FMNL2: variants seen among roughly 807,000 people sequenced by gnomAD.
FMNL2 encodes formin like 2.
A neutral mutation model predicts 130.2 loss-of-function variants in FMNL2; 51 were observed. The ratio of observed to expected loss-of-function variants is 0.39; its 90% confidence interval spans 0.31 to 0.49. The LOEUF (loss-of-function observed/expected upper bound fraction) is 0.49. Ranked by LOEUF, FMNL2 falls within the 20% of genes least tolerant of loss-of-function variation. FMNL2 has a pLI of 0.85. For synonymous variants in FMNL2, 465 were observed against 467.1 expected (o/e 1.00, Z 0.06); for missense variants, 977 against 1,316.2 (o/e 0.74, Z 3.99).
At chr2:152,567,647 C>T (rs960688965) in intron 6 of FMNL2, among the ~76,000 whole-genome samples, 2 of 152,080 alleles carry the variant, frequency 1.3e-5, no homozygotes, top group African/African-American at 4.8e-5. Flanking sequence ...AACCTAAAAC[C>T]CCAAATCTTG....
At chr2:152,578,801 G>A (rs998921124) in intron 7 of FMNL2, 87 bp from the exon 8 acceptor site, 8 of 1,010,142 alleles carry the variant, frequency 7.9e-6, no homozygotes, top group Middle Eastern at 2.4e-4. Context: ...TAGATACTTC[G>A]GGTTTTTGGT....
intron 1 of FMNL2, among the ~76,000 whole-genome samples, chr2:152,490,252 A>G (rs1294048509): frequency 1.3e-5 from 2 of 151,736 alleles, no homozygotes; most frequent in Non-Finnish European, 2.9e-5. Flanking sequence ...ATGAGTTTAC[A>G]ATAAATAAGG....
intron 8 of FMNL2, among the ~76,000 whole-genome samples, chr2:152,579,331 A>G (rs1696646583): frequency 6.6e-6 from 1 of 150,600 alleles, no homozygotes. Context: ...GCTAGCTAAA[A>G]CCACCATCCT....
At chr2:152,562,138 T>C (rs1558965791) in intron 6 of FMNL2, among the ~76,000 whole-genome samples, 2 of 152,222 alleles carry the variant, frequency 1.3e-5, no homozygotes, top group South Asian at 4.1e-4. Flanking sequence ...GACAGAGATA[T>C]CATCTAGAAC....
intron 3 of FMNL2, among the ~76,000 whole-genome samples, chr2:152,544,129 C>T (rs1485950970): frequency 6.6e-6 from 1 of 152,206 alleles, no homozygotes; most frequent in South Asian, 2.1e-4. Context: ...AAGGAGGATA[C>T]ACCCAGGCCT....
Position 152,619,627 on chromosome 2 carries a change from A to G in FMNL2, c.1746A>G (p.Val582=). Residue 582 remains valine, a synonymous_variant, in exon 15 of 26, where the codon GTA becomes GTG. Coordinates refer to ENST00000288670, the MANE Select transcript of FMNL2 (RefSeq NM_052905.4). ...PPLPGPAAET[V]PAPPLAPPLP... ...TCCCAGGCCCTGCAGCTGAGACTGT[A>G]CCAGCTCCTCCCTTAGCACCTCCCC... is the stretch of plus-strand genomic sequence containing the variant. 1.9e-6 allele frequency: 3 copies of G among 1,538,804 alleles called. No homozygotes were observed. Among genetic ancestry groups the G allele is most frequent in the Non-Finnish European group, 2.6e-6 (3 of 1,140,200 alleles).
chr2:152,610,562 C>T (rs1349283342), intron 10 of FMNL2, among the ~76,000 whole-genome samples: 1 of 152,162 alleles, frequency 6.6e-6, no homozygotes, highest in Admixed American at 6.5e-5. Flanking sequence ...AACATGTGGT[C>T]TTCTATAACG....
chr2:152,338,820 T>TACACACACACACACACACACACAC (rs58367779), intron 1 of FMNL2, among the ~76,000 whole-genome samples: 10 of 148,970 alleles, frequency 6.7e-5, no homozygotes, highest in African/African-American at 2.2e-4. Context: ...GAAGGTGAGA[T>TACACACACACACACACACACACAC]ACACACACAC....
At chr2:152,600,084 G>T (rs16831422) in intron 9 of FMNL2, among the ~76,000 whole-genome samples, 3,483 of 152,282 alleles carry the variant, frequency 0.023, 84 homozygotes, top group Non-Finnish European at 0.025. Flanking sequence ...GATGGTAAAA[G>T]ATGGTTTTCA....
At chr2:152,399,670 T>G (rs1685581357) in intron 1 of FMNL2, among the ~76,000 whole-genome samples, 2 of 152,070 alleles carry the variant, frequency 1.3e-5, no homozygotes, top group Admixed American at 1.3e-4. Context: ...ATGGATTAGG[T>G]TATTTAGACT....
At chr2:152,503,615 G>A (rs74565046) in intron 1 of FMNL2, among the ~76,000 whole-genome samples, 11,170 of 152,128 alleles carry the variant, frequency 0.073, 664 homozygotes, top group Admixed American at 0.21. Context: ...GTCTAGGTTT[G>A]GGGGTGTGTT....
intron 11 of FMNL2, 146 bp from the exon 12 acceptor site, chr2:152,614,705 T>C: frequency 1.4e-6 from 1 of 736,560 alleles, no homozygotes; most frequent in Non-Finnish European, 2.0e-6. Flanking sequence ...ATCATACCAT[T>C]CCACTCCAGC....
chr2:152,411,425 C>A (rs1243628220), intron 1 of FMNL2, among the ~76,000 whole-genome samples: 1 of 152,136 alleles, frequency 6.6e-6, no homozygotes, highest in African/African-American at 2.4e-5. Flanking sequence ...TAGGAATCTG[C>A]CCATAGGCCA....
chr2:152,628,554 A>T, intron 18 of FMNL2, 21 bp downstream of exon 18: 1 of 1,594,576 alleles, frequency 6.3e-7, no homozygotes, highest in East Asian at 2.2e-5. Flanking sequence ...TGACTCTGGC[A>T]GGGGAGGGGG....
At chr2:152,543,262 C>G (rs533657096) in intron 3 of FMNL2, among the ~76,000 whole-genome samples, 11 of 152,298 alleles carry the variant, frequency 7.2e-5, no homozygotes, top group East Asian at 5.8e-4. Flanking sequence ...GCAGCTCCCC[C>G]CTACTCCCCC....
In FMNL2 at chr2:152,442,538, C is replaced by T. The variant is rs576958804; in HGVS notation, c.118-79405C>T. Reference sequence around the variant, plus strand: ...TGCTGGGATTACAGGCGTGAGCCACCACACCTGGCCCACTTCTGTCCTTTT... The same window carrying T: ...TGCTGGGATTACAGGCGTGAGCCACTACACCTGGCCCACTTCTGTCCTTTT... On this transcript the variant is annotated intron_variant, in intron 1 of 25. Transcript: ENST00000288670. 3.3e-5 allele frequency among the ~76,000 whole-genome samples: 5 copies of T among 152,182 alleles called. No homozygotes were observed. In the East Asian group the frequency reaches 9.7e-4, roughly 29 times the overall value.
intron 2 of FMNL2, among the ~76,000 whole-genome samples, chr2:152,525,177 G>A (rs530541142): frequency 6.6e-6 from 1 of 152,276 alleles, no homozygotes; most frequent in Admixed American, 6.5e-5. Flanking sequence ...CAGGGATCTG[G>A]AAACAAGCCA....
chr2:152,431,282 T>G (rs549209476), intron 1 of FMNL2, among the ~76,000 whole-genome samples: 18 of 152,338 alleles, frequency 1.2e-4, no homozygotes, highest in Admixed American at 2.6e-4. Flanking sequence ...AAGGCTCAAT[T>G]ATGATAATGG....
intron 25 of FMNL2, 58 bp from the exon 26 acceptor site, chr2:152,647,738 G>T (rs549757565): frequency 6.4e-7 from 1 of 1,555,492 alleles, no homozygotes; most frequent in Non-Finnish European, 8.9e-7. Flanking sequence ...CCTTTGTCCT[G>T]CTTAGACACA....
Sources: gnomAD v4.1 joint callset for allele counts (sites outside exome capture counted in the v4.1 genomes callset) on GRCh38, gnomAD v4.1.1 for gene constraint, MANE v1.5 for transcripts, NCBI Gene and HGNC (gene_info 2026-07-23, HGNC 2026-07-21) for gene names.